Variants in TMEM178B observed in about 807,000 individuals in gnomAD.
TMEM178B encodes the protein transmembrane protein 178B.
A neutral mutation model predicts 31.0 loss-of-function variants in TMEM178B; 5 were observed. The observed-to-expected ratio is 0.16, with a 90% CI of 0.08 to 0.34. The LOEUF (loss-of-function observed/expected upper bound fraction) is 0.34. TMEM178B is among the 10% of genes least tolerant of loss of function. The pLI is 1.00. For synonymous variants in TMEM178B, 164 were observed against 164.0 expected (o/e 1.00, Z 0.00); for missense variants, 275 against 400.3 (o/e 0.69, Z 2.67).
chr7:141,278,568 C>T (rs1002409866), intron 2 of TMEM178B, among the ~76,000 whole-genome samples: 18 of 151,358 alleles, frequency 1.2e-4, no homozygotes, highest in African/African-American at 3.9e-4. Context: ...GGTGACAGAG[C>T]GAGACTCTGT....
intron 2 of TMEM178B, among the ~76,000 whole-genome samples, chr7:141,404,129 C>T (rs150361401): frequency 0.022 from 3,303 of 152,180 alleles, 48 homozygotes; most frequent in Middle Eastern, 0.037. Flanking sequence ...CATGGTGAAA[C>T]CCCATCTCTA....
the TMEM178B span, among the ~76,000 whole-genome samples, chr7:141,499,259 T>C: frequency 5.3e-5 from 8 of 152,272 alleles, no homozygotes; most frequent in Non-Finnish European, 1.2e-4. Flanking sequence ...TGTTGGTTGA[T>C]TACCCAATAT....
intron 2 of TMEM178B, among the ~76,000 whole-genome samples, chr7:141,299,134 G>C (rs2116437530): frequency 1.3e-5 from 2 of 152,204 alleles, no homozygotes; most frequent in African/African-American, 4.8e-5. Flanking sequence ...TTCAGAGAAG[G>C]GGATTTATCC....
At position 141,183,487 on chromosome 7, in the gene TMEM178B, G is replaced by A. The variant is rs189174408; in HGVS notation, c.383-29104G>A. ...GCAGTTACTTATCTGTATTAGAAAT[G>A]TAAATAAGTATCATTTTCTGATTTC... On this transcript the variant is annotated intron_variant, in intron 1 of 3. Transcript: ENST00000565468. Among the ~76,000 whole-genome samples the A allele has an allele frequency of 1.1e-4, 17 of 152,290 alleles. No homozygotes were observed. In the East Asian group the frequency reaches 2.7e-3, roughly 24 times the overall value.
chr7:141,305,356 C>A (rs563288476), intron 2 of TMEM178B, among the ~76,000 whole-genome samples: 2 of 152,224 alleles, frequency 1.3e-5, no homozygotes, highest in East Asian at 3.9e-4. Context: ...ATTGTCATAC[C>A]CACCCAATGA....
intron 1 of TMEM178B, among the ~76,000 whole-genome samples, chr7:141,191,039 T>C (rs991744026): frequency 4.6e-5 from 7 of 152,118 alleles, no homozygotes; most frequent in African/African-American, 1.7e-4. Context: ...ATAATACTGA[T>C]GAGAAAAAAT....
the TMEM178B span, among the ~76,000 whole-genome samples, chr7:141,495,106 G>T: frequency 6.6e-6 from 1 of 152,122 alleles, no homozygotes; most frequent in African/African-American, 2.4e-5. Context: ...TCCTGATTTT[G>T]GGATTTGCAT....
chr7:141,324,426 T>G (rs920815315), intron 2 of TMEM178B, among the ~76,000 whole-genome samples: 9 of 50,828 alleles, frequency 1.8e-4, no homozygotes, highest in African/African-American at 4.2e-4. Flanking sequence ...GTTTTTTTTT[T>G]TTTTTTTTTT....
rs1307318482 is a variant in TMEM178B, at chr7:141,477,468, ACT to A, written c.*6687_*6688del. 1 of 151,770 alleles carries A rather than the reference ACT, an allele frequency of 6.6e-6. No individual in the cohort carries two copies. Among genetic ancestry groups the A allele is most frequent in the East Asian group, 1.9e-4 (1 of 5,136 alleles). 9.4% of individuals were successfully genotyped at this position (151,770 alleles called of 1,614,324 possible). A position where few individuals can be genotyped will look rare whatever the true frequency, so the allele number is the denominator to read the frequency against. On this transcript the variant is annotated 3_prime_UTR_variant, in exon 4 of 4. Transcript: ENST00000565468. ...TCACAGTCATCAGTGTCTGCTTAGAACTCTCTGTTCTAAAGGTTTTTCCCTGT... is the reference window on the plus strand; with the variant it reads ...TCACAGTCATCAGTGTCTGCTTAGAACTCTGTTCTAAAGGTTTTTCCCTGT...
At chr7:141,134,659 C>T (rs11768167) in intron 1 of TMEM178B, among the ~76,000 whole-genome samples, 2 of 152,108 alleles carry the variant, frequency 1.3e-5, no homozygotes, top group African/African-American at 4.8e-5. Flanking sequence ...ACAATAATGA[C>T]AGTCCTCACC....
chr7:141,124,052 G>A (rs1049337241), intron 1 of TMEM178B, among the ~76,000 whole-genome samples: 17 of 152,040 alleles, frequency 1.1e-4, no homozygotes, highest in African/African-American at 4.1e-4. Flanking sequence ...ACCATCCCAG[G>A]CCTGAACACT....
rs1393566590 is a variant in TMEM178B, at chr7:141,251,039, T to C, written c.496+38335T>C. On this transcript the variant is annotated intron_variant, in intron 2 of 3. Transcript: ENST00000565468. ...CCCTAAAGGGTCAGCTATGCTCCAATGTACCTAAAACACAGTTCAGATTTT... is the reference window on the plus strand; with the variant it reads ...CCCTAAAGGGTCAGCTATGCTCCAACGTACCTAAAACACAGTTCAGATTTT... Among the ~76,000 whole-genome samples, 3 of 152,070 alleles carry C rather than the reference T, an allele frequency of 2.0e-5. No homozygotes were observed. In the East Asian group the frequency reaches 5.8e-4, roughly 29 times the overall value.
intron 2 of TMEM178B, among the ~76,000 whole-genome samples, chr7:141,236,119 C>T (rs1797523183): frequency 6.6e-6 from 1 of 152,192 alleles, no homozygotes; most frequent in African/African-American, 2.4e-5. Context: ...CAAACCTAGT[C>T]CACACCCCAG....
chr7:141,177,148 T>A (rs1385718316), intron 1 of TMEM178B, among the ~76,000 whole-genome samples: 2 of 152,244 alleles, frequency 1.3e-5, no homozygotes, highest in African/African-American at 4.8e-5. Context: ...TGGTATGTTG[T>A]GTCTTTGTTC....
intron 2 of TMEM178B, among the ~76,000 whole-genome samples, chr7:141,245,284 G>A (rs1053833510): frequency 4.7e-5 from 7 of 149,016 alleles, no homozygotes; most frequent in East Asian, 4.1e-4. Context: ...AGAAGGTTTC[G>A]CAGTGTGGGC....
chr7:141,403,469 A>G (rs1441326278), intron 2 of TMEM178B, among the ~76,000 whole-genome samples: 1 of 152,224 alleles, frequency 6.6e-6, no homozygotes, highest in African/African-American at 2.4e-5. Flanking sequence ...CCAACGGCTC[A>G]GCCCCTACAG....
chr7:141,310,827 C>A lies in TMEM178B; in HGVS notation c.496+98123C>A, dbSNP rs145668888. Reference sequence around the variant, plus strand: ...TATACCCAAAGGAATATAAATCATTCTATTATAAAGATACATGCACGCGTA... The same window carrying A: ...TATACCCAAAGGAATATAAATCATTATATTATAAAGATACATGCACGCGTA... On this transcript the variant is annotated intron_variant, in intron 2 of 3. Coordinates refer to ENST00000565468, the MANE Select transcript of TMEM178B (RefSeq NM_001195278.2). Among the ~76,000 whole-genome samples, 147 of 152,266 alleles carry A rather than the reference C, an allele frequency of 9.7e-4. 2 individuals are homozygous for A. The East Asian group carries it at 0.026, about 27-fold the overall frequency.
chr7:141,189,794 T>A (rs1796668317), intron 1 of TMEM178B, among the ~76,000 whole-genome samples: 1 of 151,982 alleles, frequency 6.6e-6, no homozygotes, highest in Admixed American at 6.6e-5. Flanking sequence ...GCCAAAGTTG[T>A]GGGGAGAGGA....
At chr7:141,157,645 T>C (rs1048292952) in intron 1 of TMEM178B, among the ~76,000 whole-genome samples, 1 of 152,226 alleles carries the variant, frequency 6.6e-6, no homozygotes, top group African/African-American at 2.4e-5. Flanking sequence ...AAAAAACTTT[T>C]AGTTGTAACT....
Sources: gnomAD v4.1 joint callset for allele counts (sites outside exome capture counted in the v4.1 genomes callset) on GRCh38, gnomAD v4.1.1 for gene constraint, MANE v1.5 for transcripts, NCBI Gene and HGNC (gene_info 2026-07-23, HGNC 2026-07-21) for gene names.